Variants in KIAA1217 observed in about 807,000 individuals in gnomAD.
KIAA1217 encodes the protein sickle tail protein homolog.
In KIAA1217, 88 loss-of-function variants were observed where a neutral mutation model predicts 163.9. That is an observed-to-expected ratio of 0.54 (90% CI 0.45 to 0.64). The LOEUF is 0.64. Among genes scored for constraint, KIAA1217 ranks in the 30% least tolerant of loss-of-function variants. KIAA1217 has a pLI of 0.00. For synonymous variants in KIAA1217, 903 were observed against 923.1 expected (o/e 0.98, Z 0.39); for missense variants, 2,372 against 2,475.0 (o/e 0.96, Z 0.88).
chr10:23,942,365 A>G (rs527682027), intron 1 of KIAA1217, among the ~76,000 whole-genome samples: 2 of 152,334 alleles, frequency 1.3e-5, no homozygotes, highest in African/African-American at 4.8e-5. Context: ...TTTCAAAAAG[A>G]ACCAAATAGA....
chr10:24,297,809 T>C (rs1308281122), intron 2 of KIAA1217, among the ~76,000 whole-genome samples: 1 of 151,980 alleles, frequency 6.6e-6, no homozygotes, highest in Admixed American at 6.6e-5. Flanking sequence ...TTTAAATGAC[T>C]GCCTGTTAAA....
At chr10:24,488,178 C>G (rs1160003636) in intron 6 of KIAA1217, among the ~76,000 whole-genome samples, 1 of 152,156 alleles carries the variant, frequency 6.6e-6, no homozygotes, top group East Asian at 1.9e-4. Flanking sequence ...AGTTAGAACT[C>G]AAGGTCAGAG....
intron 3 of KIAA1217, among the ~76,000 whole-genome samples, chr10:24,385,040 C>T (rs74695787): frequency 6.6e-6 from 1 of 152,192 alleles, no homozygotes; most frequent in African/African-American, 2.4e-5. Context: ...AGCCCAGTTC[C>T]CGGCCTGTAC....
chr10:24,369,963 G>A (rs1051918061), intron 2 of KIAA1217, among the ~76,000 whole-genome samples: 3 of 152,204 alleles, frequency 2.0e-5, no homozygotes, highest in Non-Finnish European at 4.4e-5. Flanking sequence ...AAGGCAACTT[G>A]CAATAAAAAG....
intron 2 of KIAA1217, among the ~76,000 whole-genome samples, chr10:24,325,131 C>T (rs1276396534): frequency 6.6e-6 from 1 of 152,208 alleles, no homozygotes; most frequent in Non-Finnish European, 1.5e-5. Flanking sequence ...ACTATATATA[C>T]ACAAAAACTC....
chr10:23,699,427 G>C (rs994942859), intron 1 of KIAA1217, among the ~76,000 whole-genome samples: 3 of 152,194 alleles, frequency 2.0e-5, no homozygotes, highest in Admixed American at 6.5e-5. Flanking sequence ...CCATGGTCAG[G>C]ATCTCCTGGG....
At chr10:24,160,187 T>C (rs561436454) in intron 2 of KIAA1217, among the ~76,000 whole-genome samples, 1 of 152,364 alleles carries the variant, frequency 6.6e-6, no homozygotes, top group East Asian at 1.9e-4. Context: ...TCGTTGTGGC[T>C]ATTCTAGGTT....
intron 1 of KIAA1217, among the ~76,000 whole-genome samples, chr10:23,965,805 G>A (rs770854160): frequency 1.3e-5 from 2 of 152,116 alleles, no homozygotes; most frequent in Non-Finnish European, 2.9e-5. Flanking sequence ...AAGGATACTG[G>A]GGAAAGAAGC....
chr10:24,062,270 T>A (rs1275323567), intron 2 of KIAA1217, among the ~76,000 whole-genome samples: 1 of 143,198 alleles, frequency 7.0e-6, no homozygotes, highest in African/African-American at 2.6e-5. Context: ...GTATATCTCC[T>A]AATGCTATCC....
chr10:24,085,062 C>T (rs1449004928), intron 2 of KIAA1217, among the ~76,000 whole-genome samples: 3 of 151,830 alleles, frequency 2.0e-5, no homozygotes, highest in African/African-American at 7.3e-5. Context: ...TACAGGCGCC[C>T]GCCACCACGC....
rs370367423 is a variant in KIAA1217 at position 24,274,401 on chromosome 10, G to A, written c.354+54492G>A. On this transcript the variant is annotated intron_variant, in intron 2 of 20. Transcript: ENST00000376454. ...TATTGCTCTGTCACCCAGATTGGCT[G>A]TGTTCTCCATTCTAAGTCCAGTGGT... 1.3e-4 allele frequency among the ~76,000 whole-genome samples: 19 copies of A among 151,108 alleles called. 1 individual carries two copies. The highest frequency in any genetic ancestry group is 1.1e-3 in the Admixed American group (16 of 15,164).
At chr10:24,399,135 C>T (rs1375930377) in intron 3 of KIAA1217, among the ~76,000 whole-genome samples, 1 of 152,144 alleles carries the variant, frequency 6.6e-6, no homozygotes, top group Non-Finnish European at 1.5e-5. Flanking sequence ...TGTACATAGC[C>T]AGTGAGATCA....
At chr10:24,251,114 T>A (rs565749295) in intron 2 of KIAA1217, among the ~76,000 whole-genome samples, 1 of 151,986 alleles carries the variant, frequency 6.6e-6, no homozygotes, top group African/African-American at 2.4e-5. Flanking sequence ...TAATCCTAGC[T>A]ACTCAGGAGG....
intron 1 of KIAA1217, among the ~76,000 whole-genome samples, chr10:23,876,104 A>C (rs1015354118): frequency 6.6e-6 from 1 of 152,000 alleles, no homozygotes; most frequent in Admixed American, 6.6e-5. Context: ...ATAATTAAAA[A>C]AAAAAAAGAA....
chr10:24,429,814 G>C (rs777595682), intron 3 of KIAA1217, among the ~76,000 whole-genome samples: 5 of 152,074 alleles, frequency 3.3e-5, no homozygotes, highest in Admixed American at 1.3e-4. Context: ...TTCGCTATGG[G>C]GTGACCAGAC....
At chr10:24,059,286 T>G (rs1052055061) in intron 2 of KIAA1217, among the ~76,000 whole-genome samples, 1 of 152,080 alleles carries the variant, frequency 6.6e-6, no homozygotes, top group Non-Finnish European at 1.5e-5. Context: ...CGCTAGTATT[T>G]TGTCGGGGGT....
chr10:24,503,550 G>A (rs919330899), intron 9 of KIAA1217, among the ~76,000 whole-genome samples: 4 of 152,192 alleles, frequency 2.6e-5, no homozygotes, highest in African/African-American at 9.7e-5. Context: ...CCCTTTAAAG[G>A]ATAGTAGCCA....
chr10:24,185,188 T>C (rs2131961787), intron 2 of KIAA1217, among the ~76,000 whole-genome samples: 2 of 152,312 alleles, frequency 1.3e-5, no homozygotes, highest in African/African-American at 4.8e-5. Flanking sequence ...CTGTCTCTGT[T>C]GTGGGAGTCT....
intron 2 of KIAA1217, among the ~76,000 whole-genome samples, chr10:24,365,420 A>C (rs1331848646): frequency 6.6e-6 from 1 of 151,114 alleles, no homozygotes; most frequent in Non-Finnish European, 1.5e-5. Flanking sequence ...TTCCCTGTCC[A>C]TAGCAGCTCT....
Sources: gnomAD v4.1 joint callset for allele counts (sites outside exome capture counted in the v4.1 genomes callset) on GRCh38, gnomAD v4.1.1 for gene constraint, MANE v1.5 for transcripts, NCBI Gene and HGNC (gene_info 2026-07-23, HGNC 2026-07-21) for gene names.